Variants in TMEM53 observed in about 807,000 individuals in gnomAD.
TMEM53 encodes the protein novel DUF829 domain-containing protein.
TMEM53 carries 14 observed loss-of-function variants against 21.4 expected under a neutral mutation model. The observed-to-expected ratio is 0.65, with a 90% confidence interval of 0.43 to 1.02. TMEM53 has a LOEUF of 1.02. TMEM53 is among the 50% of genes least tolerant of loss of function. The pLI is 0.00. For synonymous variants in TMEM53, 148 were observed against 157.4 expected (o/e 0.94, Z 0.45); for missense variants, 323 against 383.6 (o/e 0.84, Z 1.32).
intron 2 of TMEM53, among the ~76,000 whole-genome samples, chr1:44,658,777 C>T (rs1347789407): frequency 6.6e-6 from 1 of 152,164 alleles, no homozygotes; most frequent in Non-Finnish European, 1.5e-5. Flanking sequence ...GTCTTGAACT[C>T]CTGACCTCAA....
intron 1 of TMEM53, among the ~76,000 whole-genome samples, chr1:44,664,556 T>A (rs530839528): frequency 4.5e-4 from 68 of 151,744 alleles, no homozygotes; most frequent in African/African-American, 1.6e-3. Flanking sequence ...GTTACATAAC[T>A]AACAAGCAGT....
intron 1 of TMEM53, among the ~76,000 whole-genome samples, chr1:44,669,199 T>C (rs1644976994): frequency 6.6e-6 from 1 of 152,244 alleles, no homozygotes; most frequent in Non-Finnish European, 1.5e-5. Flanking sequence ...TTGTTTGTAA[T>C]CTGCTTTCTT....
chr1:44,654,322 G>A lies in TMEM53; in HGVS notation c.*237C>T. ...TGCACTTGTCCAAACACAACTGACT[G>A]CAAGGCTCCCACAGACACATGCCCA... On this transcript the variant is annotated 3_prime_UTR_variant, in exon 3 of 3. Transcript: ENST00000372237. This position sits in a 1 kb window ranked among gnomAD's most constrained non-coding sequence, Gnocchi z 7.0. 1.9e-6 allele frequency: 1 copy of A among 530,260 alleles called. No individual in the cohort carries two copies. Among genetic ancestry groups the A allele is most frequent in the Non-Finnish European group, 3.4e-6 (1 of 297,824 alleles). 32.8% of individuals were successfully genotyped at this position (530,260 alleles called of 1,614,324 possible).
At chr1:44,657,573 T>C (rs1644861595) in intron 2 of TMEM53, among the ~76,000 whole-genome samples, 1 of 152,234 alleles carries the variant, frequency 6.6e-6, no homozygotes, top group Admixed American at 6.5e-5. Context: ...GGTCTCACTC[T>C]ATCACCCAGG....
chr1:44,655,585 T>C lies in TMEM53; in HGVS notation c.184-376A>G, dbSNP rs990510574. On this transcript the variant is annotated intron_variant, in intron 2 of 2. Coordinates refer to ENST00000372237, the MANE Select transcript of TMEM53 (RefSeq NM_024587.4). This position sits in a 1 kb window ranked among gnomAD's most constrained non-coding sequence, Gnocchi z 4.4. ...TGCCCCGCACTCCCATCCTAGGCCTTGCACATTTGGGATGGGGCCTCACTG... is the reference window on the plus strand; with the variant it reads ...TGCCCCGCACTCCCATCCTAGGCCTCGCACATTTGGGATGGGGCCTCACTG... 1.3e-5 allele frequency among the ~76,000 whole-genome samples: 2 copies of C among 152,120 alleles called. No homozygotes were observed. The highest frequency in any genetic ancestry group is 1.3e-4 in the Admixed American group (2 of 15,280).
At chr1:44,656,528 C>T (rs1174082762) in intron 2 of TMEM53, among the ~76,000 whole-genome samples, 3 of 152,148 alleles carry the variant, frequency 2.0e-5, no homozygotes, top group African/African-American at 4.8e-5. Context: ...TAAGGCCACC[C>T]ACATTCTCCC....
At position 44,660,173 on chromosome 1, in the gene TMEM53, C is replaced by A. The variant is rs1203780581; in HGVS notation, c.183+1G>T. 1 of 1,613,816 alleles carries A rather than the reference C, an allele frequency of 6.2e-7. No individual in the cohort carries two copies. The highest frequency in any genetic ancestry group is 1.3e-5 in the African/African-American group (1 of 75,038). On this transcript the variant is annotated splice_donor_variant, in intron 2 of 2. Transcript: ENST00000372237. LOFTEE classifies it high-confidence loss of function. ...AGGGGAGAGGGCACCAGAGTACTCA[C>A]CCTTTTGTGGTAGATGGCACTGTAC...
chr1:44,662,428 C>T (rs1256802049), intron 1 of TMEM53, among the ~76,000 whole-genome samples: 2 of 152,232 alleles, frequency 1.3e-5, no homozygotes, highest in African/African-American at 4.8e-5. Flanking sequence ...TCCCCATCTT[C>T]TGCCAGATGG....
intron 2 of TMEM53, among the ~76,000 whole-genome samples, chr1:44,659,326 T>G (rs1644877857): frequency 2.6e-5 from 4 of 152,170 alleles, no homozygotes; most frequent in Admixed American, 2.6e-4. Context: ...GCTGTCTGTA[T>G]GGGTACCCCT....
intron 1 of TMEM53, among the ~76,000 whole-genome samples, chr1:44,662,305 T>A (rs139857971): frequency 5.3e-5 from 8 of 152,342 alleles, no homozygotes; most frequent in Non-Finnish European, 7.4e-5. Context: ...TGCTGACACC[T>A]GCCAGCCCTC....
At chr1:44,659,170 T>C (rs1214032010) in intron 2 of TMEM53, among the ~76,000 whole-genome samples, 1 of 152,184 alleles carries the variant, frequency 6.6e-6, no homozygotes, top group Non-Finnish European at 1.5e-5. Context: ...CCAGTCTCTC[T>C]CCCATTCCAG....
In TMEM53 at chr1:44,655,801, T is replaced by TCTC. The variant is rs1297383590; in HGVS notation, c.184-593_184-592insGAG. 6.6e-6 allele frequency among the ~76,000 whole-genome samples: 1 copy of TCTC among 152,026 alleles called. No individual in the cohort carries two copies. The highest frequency in any genetic ancestry group is 1.5e-5 in the Non-Finnish European group (1 of 68,006). On this transcript the variant is annotated intron_variant, in intron 2 of 2. Coordinates refer to ENST00000372237, the MANE Select transcript of TMEM53 (RefSeq NM_024587.4). The surrounding 1 kb of genome is among the most constrained non-coding windows in gnomAD (Gnocchi z 4.4). The stretch of plus-strand genomic sequence containing the variant: ...CTGTCACCTTCCCTCTCTCCCAGGC[T>TCTC]CCTAAAAACAGAGTCCATACTCTCT...
At chr1:44,657,211 G>A (rs1644858547) in intron 2 of TMEM53, among the ~76,000 whole-genome samples, 1 of 151,960 alleles carries the variant, frequency 6.6e-6, no homozygotes, top group South Asian at 2.1e-4. Context: ...AGGTGGGGAG[G>A]GGAAGAGTTC....
chr1:44,666,667 C>A (rs1477867996), intron 1 of TMEM53, among the ~76,000 whole-genome samples: 1 of 151,944 alleles, frequency 6.6e-6, no homozygotes, highest in Non-Finnish European at 1.5e-5. Flanking sequence ...CAAGAATAGG[C>A]AAATCCACAG....
At chr1:44,667,971 C>T (rs769644951) in intron 1 of TMEM53, among the ~76,000 whole-genome samples, 3 of 152,092 alleles carry the variant, frequency 2.0e-5, no homozygotes, top group Non-Finnish European at 4.4e-5. Flanking sequence ...ATTACAAATA[C>T]GTATATTGTA....
At chr1:44,661,294 G>A (rs149305874) in intron 1 of TMEM53, among the ~76,000 whole-genome samples, 2,419 of 152,136 alleles carry the variant, frequency 0.016, 83 homozygotes, top group Admixed American at 0.066. Flanking sequence ...GCAGTGGCAC[G>A]ATCTCAGCTC....
chr1:44,667,317 T>TG (rs1436323485), intron 1 of TMEM53, among the ~76,000 whole-genome samples: 10 of 137,240 alleles, frequency 7.3e-5, no homozygotes, highest in Admixed American at 2.4e-4. Context: ...TTTTTGTTGT[T>TG]TTTTTTTTTT....
chr1:44,664,370 GA>G (rs1248058654), intron 1 of TMEM53, among the ~76,000 whole-genome samples: 1 of 151,202 alleles, frequency 6.6e-6, no homozygotes, highest in Non-Finnish European at 1.5e-5. Flanking sequence ...AGAATCGCTT[GA>G]ACCTGGTGGT....
rs1644833540 is a variant in TMEM53, at chr1:44,654,883, G to A, written c.510C>T (p.Arg170=). 1.9e-6 allele frequency: 3 copies of A among 1,612,406 alleles called. No individual in the cohort carries two copies. Among genetic ancestry groups the A allele is most frequent in the African/African-American group, 2.7e-5 (2 of 74,912 alleles). The change falls in exon 3 of 3, where the codon CGC becomes CGT. Residue 170 remains arginine, a synonymous_variant. Coordinates refer to ENST00000372237, the MANE Select transcript of TMEM53 (RefSeq NM_024587.4). The surrounding 1 kb of genome is among the most constrained non-coding windows in gnomAD (Gnocchi z 7.0). Reference sequence around the variant, plus strand: ...GGGCAAAGGCCACCAGCAGCAACAGGCGCAGCATGGCGGCCCGGCGCTCCA... The same window carrying A: ...GGGCAAAGGCCACCAGCAGCAACAGACGCAGCATGGCGGCCCGGCGCTCCA... ...AILERRAAML[R]LLLLVAFALV...
Sources: gnomAD v4.1 joint callset for allele counts (sites outside exome capture counted in the v4.1 genomes callset) on GRCh38, gnomAD v4.1.1 for gene constraint, Gnocchi (gnomAD v3.1) non-coding constraint, MANE v1.5 for transcripts, NCBI Gene and HGNC (gene_info 2026-07-23, HGNC 2026-07-21) for gene names.